The following PEPD variants were observed in gnomAD, a reference collection of about 807,000 sequenced individuals.
PEPD encodes the protein xaa-Pro dipeptidase.
In PEPD, 53 loss-of-function variants were observed where a neutral mutation model predicts 60.7. That is an observed-to-expected ratio of 0.87 (90% CI 0.70 to 1.10). PEPD has a LOEUF of 1.10. Among genes scored for constraint, PEPD ranks in the 50% least tolerant of loss-of-function variants. The probability of loss-of-function intolerance (pLI) is 0.00; values close to 1 mark genes in which losing one functional copy is unlikely to be tolerated. For synonymous variants in PEPD, 267 were observed against 284.1 expected (o/e 0.94, Z 0.60); for missense variants, 711 against 711.9 (o/e 1.00, Z 0.01).
At chr19:33,401,961 G>T in intron 11 of PEPD, 92 bp from the exon 12 acceptor site, 1 of 1,252,246 alleles carries the variant, frequency 8.0e-7, no homozygotes, top group Non-Finnish European at 1.1e-6. Flanking sequence ...CTCGAGGGCA[G>T]CTGGCCCGGG....
At chr19:33,403,538 GCTGCCTGTGCGC>G (rs1370590556) in intron 11 of PEPD, among the ~76,000 whole-genome samples, 4 of 152,220 alleles carry the variant, frequency 2.6e-5, no homozygotes, top group Non-Finnish European at 4.4e-5. Context: ...CATTCCAGAA[GCTGCCTGTGCGC>G]CTGCCTGTGG....
intron 6 of PEPD, among the ~76,000 whole-genome samples, chr19:33,483,308 A>T (rs1970341832): frequency 1.3e-5 from 2 of 152,170 alleles, no homozygotes. Flanking sequence ...ATATAAGAAA[A>T]ATCTACAAAG....
intron 4 of PEPD, among the ~76,000 whole-genome samples, chr19:33,494,284 C>T (rs576740282): frequency 1.8e-4 from 28 of 152,320 alleles, no homozygotes; most frequent in Non-Finnish European, 3.5e-4. Context: ...ACACCCGAAA[C>T]GCAGGGGGAG....
chr19:33,483,856 C>T (rs1489493595), intron 6 of PEPD, among the ~76,000 whole-genome samples: 1 of 152,116 alleles, frequency 6.6e-6, no homozygotes, highest in Non-Finnish European at 1.5e-5. Context: ...AAAAGACCTG[C>T]CCCATCTTAG....
At position 33,512,820 on chromosome 19, in the gene PEPD, C is replaced by G. The variant is rs76978185; in HGVS notation, c.18-44G>C. 2,978 of 1,602,408 alleles carry G rather than the reference C, an allele frequency of 1.9e-3. 92 individuals carry two copies. In the East Asian group the frequency reaches 0.062, roughly 33 times the overall value. On this transcript the variant is annotated intron_variant, in intron 1 of 14. Coordinates refer to ENST00000244137, the MANE Select transcript of PEPD (RefSeq NM_000285.4). ...ACACCGCCACACAGGCCTCTGTTAG[C>G]ATCTCCAAGCATGCCCACACCTGAG...
chr19:33,521,038 G>A (rs1433476410), intron 1 of PEPD, among the ~76,000 whole-genome samples: 1 of 152,102 alleles, frequency 6.6e-6, no homozygotes, highest in African/African-American at 2.4e-5. Context: ...TCCCTATCTG[G>A]GAGATTCCGC....
intron 9 of PEPD, among the ~76,000 whole-genome samples, chr19:33,454,940 A>G (rs908225023): frequency 6.6e-6 from 1 of 152,228 alleles, no homozygotes; most frequent in Non-Finnish European, 1.5e-5. Flanking sequence ...TCTCGCTGAA[A>G]GAAAAACTAA....
Position 33,457,107 on chromosome 19 carries a change from G to A in PEPD, c.671+5888C>T, listed in dbSNP as rs546756347. ...GCATCCGAGATACAGTTCTTCAGGA[G>A]TCGCTGCACAGGAGGGACTCGGATG... On this transcript the variant is annotated intron_variant, in intron 9 of 14. Coordinates refer to ENST00000244137, the MANE Select transcript of PEPD (RefSeq NM_000285.4). Among the ~76,000 whole-genome samples the A allele has an allele frequency of 6.3e-4, 94 of 149,926 alleles. 1 individual carries two copies. The highest frequency in any genetic ancestry group is 2.1e-3 in the African/African-American group (86 of 40,668).
At chr19:33,440,421 T>G (rs1969460762) in intron 9 of PEPD, among the ~76,000 whole-genome samples, 1 of 152,158 alleles carries the variant, frequency 6.6e-6, no homozygotes, top group African/African-American at 2.4e-5. Context: ...CTGGGCTCGC[T>G]GCTCCTGACC....
At chr19:33,391,223 C>G (rs1416534867) in intron 13 of PEPD, 72 bp downstream of exon 13, 1 of 1,272,246 alleles carries the variant, frequency 7.9e-7, no homozygotes, top group Non-Finnish European at 1.1e-6. Context: ...CCTAGAGTCC[C>G]ACCCTGCCCT....
chr19:33,431,177 A>C (rs1969264303), intron 9 of PEPD, among the ~76,000 whole-genome samples: 1 of 122,750 alleles, frequency 8.1e-6, no homozygotes. Context: ...GAAGGAAGGA[A>C]GGAAGGGAGG....
chr19:33,431,256 GAAGA>G (rs1349486492), intron 9 of PEPD, among the ~76,000 whole-genome samples: 1 of 152,006 alleles, frequency 6.6e-6, no homozygotes, highest in Admixed American at 6.6e-5. Flanking sequence ...CCGAAGGAAG[GAAGA>G]GAGGGACGAA....
intron 9 of PEPD, among the ~76,000 whole-genome samples, chr19:33,435,694 A>G (rs1336299265): frequency 6.6e-6 from 1 of 152,228 alleles, no homozygotes; most frequent in Non-Finnish European, 1.5e-5. Context: ...CTGTGTGAGA[A>G]TCTGCTGATG....
At chr19:33,512,572 T>C (rs1184432350) in intron 2 of PEPD, 21 bp downstream of exon 2, 1 of 1,610,828 alleles carries the variant, frequency 6.2e-7, no homozygotes, top group Non-Finnish European at 8.5e-7. Context: ...TGCTCACTTG[T>C]GGCCAAGCGG....
At chr19:33,509,535 G>A (rs147906804) in intron 3 of PEPD, among the ~76,000 whole-genome samples, 24 of 152,320 alleles carry the variant, frequency 1.6e-4, no homozygotes, top group Middle Eastern at 3.4e-3. Context: ...AGGGAGGGTA[G>A]CACTGGAAGC....
intron 12 of PEPD, among the ~76,000 whole-genome samples, chr19:33,393,734 C>A (rs1397483611): frequency 6.6e-6 from 1 of 152,226 alleles, no homozygotes; most frequent in East Asian, 1.9e-4. Context: ...GTGCGCCAAG[C>A]CTGCCCAGCC....
At chr19:33,413,674 G>A (rs1259456336) in intron 9 of PEPD, 31 bp from the exon 10 acceptor site, 2 of 1,418,918 alleles carry the variant, frequency 1.4e-6, no homozygotes, top group Admixed American at 3.8e-5. Context: ...CAGGGTTGGG[G>A]CACTAGAGCA....
intron 3 of PEPD, among the ~76,000 whole-genome samples, chr19:33,509,084 C>T (rs12976422): frequency 0.12 from 18,534 of 152,304 alleles, 1,542 homozygotes; most frequent in Non-Finnish European, 0.19. Context: ...GGCTGCAGGA[C>T]CTGCACAGGT....
At chr19:33,453,317 A>AAAAAAAATAAAT (rs1555762504) in intron 9 of PEPD, among the ~76,000 whole-genome samples, 2,598 of 148,730 alleles carry the variant, frequency 0.017, 36 homozygotes, top group Admixed American at 0.028. Flanking sequence ...CTGTCATAAA[A>AAAAAAAATAAAT]AAATAAATAA....
Sources: allele counts gnomAD v4.1 joint callset (sites outside exome capture counted in the v4.1 genomes callset), GRCh38; gene constraint gnomAD v4.1.1; transcripts MANE v1.5; gene names NCBI Gene and HGNC (gene_info 2026-07-23, HGNC 2026-07-21).